ELOVL6: variants seen among roughly 807,000 people sequenced by gnomAD.
ELOVL6 encodes ELOVL fatty acid elongase 6, also known as very long chain fatty acid elongase 6.
In ELOVL6, 8 loss-of-function variants were observed where a neutral mutation model predicts 31.7. The ratio of observed to expected loss-of-function variants is 0.25; its 90% CI spans 0.15 to 0.45. The LOEUF (loss-of-function observed/expected upper bound fraction) is 0.45, where lower values mean the gene tolerates loss of function less well. Ranked by LOEUF, ELOVL6 falls within the 20% of genes least tolerant of loss-of-function variation. The probability of loss-of-function intolerance (pLI) is 1.00; values close to 1 mark genes in which losing one functional copy is unlikely to be tolerated. For missense variants in ELOVL6, 126 were observed against 326.4 expected (o/e 0.39, Z 4.73); for synonymous variants, 101 against 117.7 (o/e 0.86, Z 0.92).
chr4:110,071,244 A>G (rs991140401), intron 2 of ELOVL6, among the ~76,000 whole-genome samples: 4 of 152,162 alleles, frequency 2.6e-5, no homozygotes, highest in African/African-American at 7.2e-5. Flanking sequence ...CAATCTTTTA[A>G]AGATCACATT....
chr4:110,067,680 GAAC>G (rs1755344113), intron 2 of ELOVL6, among the ~76,000 whole-genome samples: 2 of 152,170 alleles, frequency 1.3e-5, no homozygotes, highest in Middle Eastern at 3.2e-3. Context: ...TGACATAAAA[GAAC>G]ATCAAGATGC....
intron 1 of ELOVL6, among the ~76,000 whole-genome samples, chr4:110,182,215 T>C (rs1187663459): frequency 1.3e-5 from 2 of 152,132 alleles, no homozygotes; most frequent in Non-Finnish European, 2.9e-5. Context: ...TTTTTTATCA[T>C]CCTCCCTTGA....
chr4:110,106,415 A>G (rs1422759730), intron 1 of ELOVL6, among the ~76,000 whole-genome samples: 2 of 152,152 alleles, frequency 1.3e-5, no homozygotes, highest in Non-Finnish European at 2.9e-5. Flanking sequence ...ATTACATGCT[A>G]AACGAGGGGT....
chr4:110,194,411 GC>G (rs1289025077), intron 1 of ELOVL6, among the ~76,000 whole-genome samples: 3 of 152,142 alleles, frequency 2.0e-5, no homozygotes, highest in African/African-American at 7.2e-5. Flanking sequence ...TCAAGATGAG[GC>G]CCAGGATGAT....
At chr4:110,155,357 A>C (rs939575600) in intron 1 of ELOVL6, among the ~76,000 whole-genome samples, 3 of 152,122 alleles carry the variant, frequency 2.0e-5, no homozygotes, top group African/African-American at 7.2e-5. Flanking sequence ...CTAATACAGA[A>C]GGGATAGCCC....
chr4:110,076,774 A>G (rs1303343641), intron 2 of ELOVL6, among the ~76,000 whole-genome samples: 2 of 152,180 alleles, frequency 1.3e-5, no homozygotes, highest in Non-Finnish European at 2.9e-5. Context: ...GTGTGAGCCG[A>G]AGCAGGGCGA....
chr4:110,169,385 C>A (rs148225599), intron 1 of ELOVL6, among the ~76,000 whole-genome samples: 1 of 151,632 alleles, frequency 6.6e-6, no homozygotes, highest in African/African-American at 2.4e-5. Flanking sequence ...ACTACAGGTG[C>A]CTAACACCAT....
chr4:110,079,759 A>G (rs1458701286), intron 2 of ELOVL6, among the ~76,000 whole-genome samples: 2 of 148,456 alleles, frequency 1.3e-5, no homozygotes, highest in East Asian at 3.9e-4. Context: ...TGAAGGAAAC[A>G]GAGACACAAA....
Position 110,187,044 on chromosome 4 carries a change from A to G in ELOVL6, c.89+11203T>C, listed in dbSNP as rs1254705025. On this transcript the variant is annotated intron_variant, in intron 1 of 3. Transcript: ENST00000302274. ...ATGTAATAGTTATTATAATTAGCCA[A>G]TCCTTATCTTCACTCATTTTATATT... Among the ~76,000 whole-genome samples the G allele has an allele frequency of 4.0e-5, 6 of 151,264 alleles. No homozygotes were observed. In the East Asian group the frequency reaches 9.7e-4, roughly 24 times the overall value.
chr4:110,109,883 G>A (rs1021394959), intron 1 of ELOVL6, among the ~76,000 whole-genome samples: 3 of 152,142 alleles, frequency 2.0e-5, no homozygotes, highest in Non-Finnish European at 2.9e-5. Flanking sequence ...CTTTCATGTC[G>A]TATCTACATG....
intron 1 of ELOVL6, among the ~76,000 whole-genome samples, chr4:110,178,734 G>A (rs1245275464): frequency 1.3e-5 from 2 of 151,550 alleles, no homozygotes; most frequent in Admixed American, 1.3e-4. Context: ...CTTGCCTGTA[G>A]TCTCAGCTAC....
intron 3 of ELOVL6, among the ~76,000 whole-genome samples, chr4:110,053,058 G>A (rs779015215): frequency 2.8e-4 from 43 of 152,156 alleles, no homozygotes; most frequent in Non-Finnish European, 5.4e-4. Flanking sequence ...TGCAGCCTAA[G>A]GAATAGCTGA....
intron 2 of ELOVL6, among the ~76,000 whole-genome samples, chr4:110,065,346 G>T (rs1199239988): frequency 2.6e-5 from 4 of 152,172 alleles, no homozygotes; most frequent in Non-Finnish European, 5.9e-5. Context: ...TTTGGGCTGG[G>T]CTGGGCACAA....
chr4:110,073,902 T>C (rs1246998113), intron 2 of ELOVL6, among the ~76,000 whole-genome samples: 3 of 152,248 alleles, frequency 2.0e-5, no homozygotes, highest in Non-Finnish European at 4.4e-5. Context: ...CCATAGTCCA[T>C]GGCCCTTCCA....
intron 2 of ELOVL6, among the ~76,000 whole-genome samples, chr4:110,075,455 A>T (rs1399937054): frequency 3.3e-5 from 5 of 152,180 alleles, no homozygotes; most frequent in African/African-American, 4.8e-5. Flanking sequence ...ATTATGACAT[A>T]TACTACAAAG....
In ELOVL6 at chr4:110,047,878, A is replaced by G. The variant is rs939208901; in HGVS notation, c.*3460T>C. Reference sequence around the variant, plus strand: ...GCACTCCAGCCTGGGCAACAACAGCAAGAATCCACCTCAAAAAAAAAAAAA... The same window carrying G: ...GCACTCCAGCCTGGGCAACAACAGCGAGAATCCACCTCAAAAAAAAAAAAA... On this transcript the variant is annotated 3_prime_UTR_variant, in exon 4 of 4. Transcript: ENST00000302274. The G allele has an allele frequency of 9.6e-5, 14 of 146,084 alleles. No homozygotes were observed. Among genetic ancestry groups the G allele is most frequent in the Middle Eastern group, 3.6e-3 (1 of 280 alleles). 9.0% of individuals were successfully genotyped at this position (146,084 alleles called of 1,614,324 possible).
chr4:110,098,041 T>A (rs1756637216), intron 2 of ELOVL6, among the ~76,000 whole-genome samples: 1 of 152,110 alleles, frequency 6.6e-6, no homozygotes, highest in Admixed American at 6.6e-5. Context: ...ATAAAACAAA[T>A]AATTAAATGC....
chr4:110,079,740 G>C (rs1457425624), intron 2 of ELOVL6, among the ~76,000 whole-genome samples: 1 of 151,986 alleles, frequency 6.6e-6, no homozygotes, highest in Non-Finnish European at 1.5e-5. Context: ...ACTAAGATCA[G>C]AGCAGAACTG....
intron 1 of ELOVL6, among the ~76,000 whole-genome samples, chr4:110,156,758 G>C (rs948742476): frequency 6.6e-6 from 1 of 152,134 alleles, no homozygotes; most frequent in Non-Finnish European, 1.5e-5. Context: ...GAGACAAGTG[G>C]ATTGAATTCA....
Sources: gnomAD v4.1 joint callset for allele counts (sites outside exome capture counted in the v4.1 genomes callset) on GRCh38, gnomAD v4.1.1 for gene constraint, MANE v1.5 for transcripts, NCBI Gene and HGNC (gene_info 2026-07-23, HGNC 2026-07-21) for gene names.